The following CMYA5 variants were observed in gnomAD, a reference collection of about 807,000 sequenced individuals.
CMYA5 encodes the protein cardiomyopathy-associated protein 5.
CMYA5 carries 246 observed loss-of-function variants against 318.9 expected under a neutral mutation model. The observed-to-expected ratio is 0.77, with a 90% CI of 0.70 to 0.86. CMYA5 has a LOEUF of 0.86. Ranked by LOEUF, CMYA5 falls within the 40% of genes least tolerant of loss-of-function variation. CMYA5 has a pLI of 0.00. For missense variants in CMYA5, 4,589 were observed against 4,678.2 expected, an observed-to-expected ratio of 0.98 and a Z score of 0.56; for synonymous variants, 1,641 against 1,729.5, an observed-to-expected ratio of 0.95 and a Z score of 1.27.
At chr5:79,720,428 A>ATTTTTTTT (rs1159659122) in intron 1 of CMYA5, among the ~76,000 whole-genome samples, 1 of 44,810 alleles carries the variant, frequency 2.2e-5, no homozygotes, top group African/African-American at 9.2e-5. Context: ...TGCCAATCTA[A>ATTTTTTTT]TTTTTTTTTT....
chr5:79,788,952 A>G lies in CMYA5; in HGVS notation c.11556-19A>G. On this transcript the variant is annotated intron_variant, in intron 9 of 12. Transcript: ENST00000446378. ...ATGTGGCATTATGTTTAAAATTATTATTTTCCTCTTGTATTTAGATCTTTC... is the reference window on the plus strand; with the variant it reads ...ATGTGGCATTATGTTTAAAATTATTGTTTTCCTCTTGTATTTAGATCTTTC... The G allele has an allele frequency of 1.2e-6, 2 of 1,609,184 alleles. No individual in the cohort carries two copies. Among genetic ancestry groups the G allele is most frequent in the Non-Finnish European group, 1.7e-6 (2 of 1,177,152 alleles).
rs775983883 is a variant in CMYA5 at position 79,799,768 on chromosome 5, C to T, written c.*152C>T. On this transcript the variant is annotated 3_prime_UTR_variant, in exon 13 of 13. Coordinates refer to ENST00000446378, the MANE Select transcript of CMYA5 (RefSeq NM_153610.5). ...ATAGCAATCAGCATGTGAGCAAAAT[C>T]GACAAGAAAACCTTGACTTTACAGA... is the stretch of plus-strand genomic sequence containing the variant. 23 of 1,005,378 alleles carry T rather than the reference C, an allele frequency of 2.3e-5. No homozygotes were observed. The highest frequency in any genetic ancestry group is 3.1e-5 in the Non-Finnish European group (22 of 715,156). 62.3% of individuals were successfully genotyped at this position (1,005,378 alleles called of 1,614,324 possible).
chr5:79,733,237 T>C lies in CMYA5; in HGVS notation c.4472T>C (p.Val1491Ala). Residue 1491 changes from valine to alanine, a missense_variant, in exon 2 of 13, where the codon GTA (valine) becomes GCA (alanine). By Grantham distance (64) the Val-to-Ala change is moderately conservative (BLOSUM62 0). This residue lies in a region of CMYA5 where 2,132 missense variants were observed against 2,131.3 expected (regional missense o/e 1.00). Transcript: ENST00000446378. ...QHSDKSEEAR[V>A]EDKQDLLFST... The stretch of plus-strand genomic sequence containing the variant: ...TCAGATAAATCTGAGGAAGCAAGGG[T>C]AGAAGACAAACAAGATCTTTTATTT... The C allele has an allele frequency of 6.2e-7, 1 of 1,613,692 alleles. No individual in the cohort carries two copies. Among genetic ancestry groups the C allele is most frequent in the Non-Finnish European group, 8.5e-7 (1 of 1,179,792 alleles).
At chr5:79,789,862 C>T (rs1321303000) in intron 10 of CMYA5, among the ~76,000 whole-genome samples, 2 of 152,120 alleles carry the variant, frequency 1.3e-5, no homozygotes, top group African/African-American at 4.8e-5. Flanking sequence ...TGATGCCTGG[C>T]ACATAATTTG....
Position 79,799,810 on chromosome 5 carries a change from C to A in CMYA5, c.*194C>A. 1 of 551,802 alleles carries A rather than the reference C, an allele frequency of 1.8e-6. No homozygotes were observed. The allele number at this position is 551,802 out of a possible 1,614,324, so 34.2% of individuals were successfully genotyped here. ...CTTTACAGAGCAGTGTGTGAGTAAA[C>A]AGAATGAAAACAACAACCTCCACTC... On this transcript the variant is annotated 3_prime_UTR_variant, in exon 13 of 13. Transcript: ENST00000446378.
rs531124824 is a variant in CMYA5, at chr5:79,732,423, G to C, written c.3658G>C (p.Val1220Leu). 252 of 1,613,680 alleles carry C rather than the reference G, an allele frequency of 1.6e-4. 2 individuals carry two copies. The South Asian group carries it at 2.6e-3, about 17-fold the overall frequency. Reference sequence around the variant, plus strand: ...TGATTCTCAAGAAGCTACAGCACATGTATCACAGGATCAAAAAATGGAGCC... The same window carrying C: ...TGATTCTCAAGAAGCTACAGCACATCTATCACAGGATCAAAAAATGGAGCC... ...VPDSQEATAH[V>L]SQDQKMEPQP... Residue 1220 changes from valine (V) to leucine (L), a missense_variant, in exon 2 of 13, where the codon GTA becomes CTA. Around this residue, in one of 3 missense-constraint regions of CMYA5, gnomAD observed 2,132 missense variants for 2,131.3 expected, o/e 1.00. Coordinates refer to ENST00000446378, the MANE Select transcript of CMYA5 (RefSeq NM_153610.5).
chr5:79,760,925 GC>G (rs1171157364), intron 7 of CMYA5, among the ~76,000 whole-genome samples: 2 of 152,138 alleles, frequency 1.3e-5, no homozygotes, highest in African/African-American at 4.8e-5. Context: ...CAATTGAGAA[GC>G]CTGCTAAGTT....
At chr5:79,788,926 C>T in intron 9 of CMYA5, 45 bp from the exon 10 acceptor site, 4 of 1,563,526 alleles carry the variant, frequency 2.6e-6, no homozygotes, top group Non-Finnish European at 3.5e-6. Context: ...AATCATTTAG[C>T]ATGTGGCATT....
intron 7 of CMYA5, among the ~76,000 whole-genome samples, chr5:79,759,779 A>G (rs1828609791): frequency 6.6e-6 from 1 of 152,214 alleles, no homozygotes; most frequent in African/African-American, 2.4e-5. Context: ...TTATACTATT[A>G]CTAATATTTA....
In CMYA5 at chr5:79,767,524, A is replaced by T. The variant is rs1056333488; in HGVS notation, c.11555+4315A>T. ...TGTGTCTTTGTTCTCATTGGTTTCA[A>T]AGAAGTTATTTATTTCTGACTTAAT... On this transcript the variant is annotated intron_variant, in intron 9 of 12. Transcript: ENST00000446378. Among the ~76,000 whole-genome samples the T allele has an allele frequency of 1.3e-5, 2 of 152,284 alleles. 1 individual carries two copies.
Position 79,745,302 on chromosome 5 carries a change from G to C in CMYA5, c.10815G>C (p.Glu3605Asp), listed in dbSNP as rs1828298483. Reference sequence around the variant, plus strand: ...AGAAGGTTTTAGCACAGTATGATGAGAAAGCCCAGAGCTTTGAGGAAGTGA... The same window carrying C: ...AGAAGGTTTTAGCACAGTATGATGACAAAGCCCAGAGCTTTGAGGAAGTGA... Reference protein sequence around the residue: ...MMKKVLAQYDEKAQSFEEVKK... With the variant: ...MMKKVLAQYDDKAQSFEEVKK... Residue 3605 changes from glutamate to aspartate, a missense_variant, in exon 4 of 13, where the codon GAG (glutamate) becomes GAC (aspartate). Physicochemically the swap from Glu to Asp is conservative, Grantham distance 45. Transcript: ENST00000446378. The C allele has an allele frequency of 1.2e-6, 2 of 1,613,704 alleles. No individual in the cohort carries two copies. Among genetic ancestry groups the C allele is most frequent in the African/African-American group, 2.7e-5 (2 of 75,050 alleles).
Position 79,732,520 on chromosome 5 carries a change from A to C in CMYA5, c.3755A>C (p.Lys1252Thr). The C allele has an allele frequency of 1.2e-6, 2 of 1,613,264 alleles. No homozygotes were observed. The highest frequency in any genetic ancestry group is 1.7e-6 in the Non-Finnish European group (2 of 1,179,642). The change falls in exon 2 of 13, where the codon AAG becomes ACG. Residue 1252 changes from lysine (K) to threonine (T), a missense_variant. Transcript: ENST00000446378. The stretch of plus-strand genomic sequence containing the variant: ...CCTGACATGGTAGATGAGCCAAAGA[A>C]GGGTGTCAAGCCCAAATTAGTTCTA... ...VLPDMVDEPK[K>T]GVKPKLVLNV... is the part of the protein sequence containing the mutation.
chr5:79,704,319 G>C (rs1263975136), intron 1 of CMYA5, among the ~76,000 whole-genome samples: 2 of 152,042 alleles, frequency 1.3e-5, no homozygotes, highest in Admixed American at 6.6e-5. Context: ...GACCCCCACT[G>C]TGGGTCTGAA....
Position 79,736,639 on chromosome 5 carries a change from G to T in CMYA5, c.7874G>T (p.Ser2625Ile). Residue 2625 changes from serine (S) to isoleucine (I), a missense_variant, in exon 2 of 13, where the codon AGT becomes ATT. Transcript: ENST00000446378. ...VGTQPHPLEE[S>I]KVLVEKTKTF... ...ACCCAACCACATCCTTTAGAAGAAAGTAAAGTTTTGGTGGAGAAAACCAAG... is the reference window on the plus strand; with the variant it reads ...ACCCAACCACATCCTTTAGAAGAAATTAAAGTTTTGGTGGAGAAAACCAAG... The T allele has an allele frequency of 6.2e-7, 1 of 1,613,732 alleles. No homozygotes were observed.
rs1487210378 is a variant in CMYA5 at position 79,730,015 on chromosome 5, C to T, written c.1250C>T (p.Ser417Leu). ...ASENDSSVSP[S>L]FANEVKKEDV... ...GAGAATGACTCTTCAGTCTCACCAT[C>T]ATTTGCTAATGAGGTAAAGAAGGAA... The change falls in exon 2 of 13, where the codon TCA (serine) becomes TTA (leucine). Residue 417 changes from serine (S) to leucine (L), a missense_variant. Ser to Leu is a moderately radical substitution (Grantham distance 145). Around this residue, in one of 3 missense-constraint regions of CMYA5, gnomAD observed 2,132 missense variants for 2,131.3 expected, o/e 1.00. Transcript: ENST00000446378. 6.2e-7 allele frequency: 1 copy of T among 1,613,924 alleles called. No individual in the cohort carries two copies. Among genetic ancestry groups the T allele is most frequent in the Non-Finnish European group, 8.5e-7 (1 of 1,179,912 alleles).
chr5:79,717,075 C>T (rs1827533323), intron 1 of CMYA5, among the ~76,000 whole-genome samples: 1 of 152,132 alleles, frequency 6.6e-6, no homozygotes, highest in African/African-American at 2.4e-5. Flanking sequence ...GCAAGCAAAC[C>T]ACTCCTGTTA....
At chr5:79,698,113 T>C (rs1031727840) in intron 1 of CMYA5, among the ~76,000 whole-genome samples, 4 of 152,310 alleles carry the variant, frequency 2.6e-5, no homozygotes, top group Middle Eastern at 6.8e-3. Context: ...AGACAATTTA[T>C]ATTAGTTTTG....
At chr5:79,796,176 A>G (rs1829272149) in intron 12 of CMYA5, among the ~76,000 whole-genome samples, 1 of 152,194 alleles carries the variant, frequency 6.6e-6, no homozygotes, top group Non-Finnish European at 1.5e-5. Flanking sequence ...GAGAAATGAC[A>G]CATTTAGGCA....
chr5:79,730,373 C>T lies in CMYA5; in HGVS notation c.1608C>T (p.Tyr536=), dbSNP rs760967048. The T allele has an allele frequency of 2.5e-6, 4 of 1,613,744 alleles. No individual in the cohort carries two copies. The highest frequency in any genetic ancestry group is 1.3e-5 in the African/African-American group (1 of 74,906). The change falls in exon 2 of 13, where the codon TAC becomes TAT. Residue 536 remains tyrosine (Y), a synonymous_variant. Transcript: ENST00000446378. ...LVEEEIVELD[Y]PESPLVSEKP... is the part of the protein sequence containing the mutation. Reference sequence around the variant, plus strand: ...AAGAAGAGATCGTAGAACTTGATTACCCAGAAAGCCCATTGGTTTCCGAGA... The same window carrying T: ...AAGAAGAGATCGTAGAACTTGATTATCCAGAAAGCCCATTGGTTTCCGAGA...
Sources: gnomAD v4.1 joint callset for allele counts (sites outside exome capture counted in the v4.1 genomes callset) on GRCh38, gnomAD v4.1.1 for gene constraint, gnomAD v4.1.1 regional missense constraint, MANE v1.5 for transcripts, NCBI Gene and HGNC (gene_info 2026-07-23, HGNC 2026-07-21) for gene names.